The following SDR42E1 variants were observed in gnomAD, a reference collection of about 807,000 sequenced individuals.
SDR42E1 encodes the protein short-chain dehydrogenase/reductase family 42E member 1.
Under a neutral mutation model 2.6 loss-of-function variants are expected in SDR42E1, and 5 were observed. That is an observed-to-expected ratio of 1.94 (90% CI 1.01 to 4.08). The LOEUF (loss-of-function observed/expected upper bound fraction) is 4.08, where lower values mean the gene tolerates loss of function less well. Among genes scored for constraint, SDR42E1 ranks in the 30% most tolerant of loss-of-function variants. The probability of loss-of-function intolerance (pLI) is 0.00; values close to 1 mark genes in which losing one functional copy is unlikely to be tolerated. For synonymous variants in SDR42E1, 231 were observed against 188.3 expected (o/e 1.23, Z -1.86); for missense variants, 596 against 478.6 (o/e 1.25, Z -2.29).
At position 81,989,133 on chromosome 16, in the gene SDR42E1, C is replaced by G. The variant is rs1038749481; in HGVS notation, c.*9978G>C. Reference sequence around the variant, plus strand: ...ACTATTAAAAATTAAGGTGGGACTACAGGCATGAAACCAGAACTGTCTTAG... The same window carrying G: ...ACTATTAAAAATTAAGGTGGGACTAGAGGCATGAAACCAGAACTGTCTTAG... On this transcript the variant is annotated 3_prime_UTR_variant, in exon 3 of 3. Coordinates refer to ENST00000328945, the MANE Select transcript of SDR42E1 (RefSeq NM_145168.3). 1.3e-5 allele frequency: 2 copies of G among 152,158 alleles called. No homozygotes were observed. The highest frequency in any genetic ancestry group is 4.8e-5 in the African/African-American group (2 of 41,432). 9.4% of individuals were successfully genotyped at this position (152,158 alleles called of 1,614,324 possible). A position where few individuals can be genotyped will look rare whatever the true frequency, so the allele number is the denominator to read the frequency against.
chr16:82,006,495 T>C (rs938751290), intron 1 of SDR42E1, among the ~76,000 whole-genome samples: 9 of 152,244 alleles, frequency 5.9e-5, no homozygotes, highest in African/African-American at 2.2e-4. Flanking sequence ...AGATGTGACA[T>C]ATAAAATTCA....
chr16:81,999,162 C>T lies in SDR42E1; in HGVS notation c.1131G>A (p.Leu377=), dbSNP rs764912496. 3 of 1,614,196 alleles carry T rather than the reference C, an allele frequency of 1.9e-6. No individual in the cohort carries two copies. The highest frequency in any genetic ancestry group is 2.2e-5 in the South Asian group (2 of 91,078). The change falls in exon 3 of 3, where the codon CTG becomes CTA. Residue 377 remains leucine (L), a synonymous_variant. Transcript: ENST00000328945. Reference sequence around the variant, plus strand: ...GCAGCCACATGAGAACTGCTATAATCAGGAGGAAGACCAATAGCCCATCCC... The same window carrying T: ...GCAGCCACATGAGAACTGCTATAATTAGGAGGAAGACCAATAGCCCATCCC... ...FVWDGLLVFL[L]IIAVLMWLPS... is the part of the protein sequence containing the mutation.
chr16:82,001,354 C>A (rs1912752323), intron 1 of SDR42E1, among the ~76,000 whole-genome samples: 1 of 152,104 alleles, frequency 6.6e-6, no homozygotes, highest in African/African-American at 2.4e-5. Flanking sequence ...TGGTTTAATA[C>A]TGCTTTATTA....
intron 1 of SDR42E1, among the ~76,000 whole-genome samples, chr16:82,009,310 G>C (rs1913049532): frequency 6.6e-6 from 1 of 152,206 alleles, no homozygotes; most frequent in African/African-American, 2.4e-5. Context: ...CAGAATGGTA[G>C]ATCCACCAAC....
chr16:82,007,032 G>C (rs1223778631), intron 1 of SDR42E1, among the ~76,000 whole-genome samples: 1 of 152,210 alleles, frequency 6.6e-6, no homozygotes, highest in Non-Finnish European at 1.5e-5. Flanking sequence ...CAAGTGCCTT[G>C]CAATTCCTCA....
At chr16:82,008,237 C>T (rs1427838717) in intron 1 of SDR42E1, among the ~76,000 whole-genome samples, 1 of 152,208 alleles carries the variant, frequency 6.6e-6, no homozygotes, top group Admixed American at 6.5e-5. Flanking sequence ...TTATAAATTA[C>T]CCAGTCTTGG....
rs575589212 is a variant in SDR42E1 at position 81,993,711 on chromosome 16, G to A, written c.*5400C>T. On this transcript the variant is annotated 3_prime_UTR_variant, in exon 3 of 3. Coordinates refer to ENST00000328945, the MANE Select transcript of SDR42E1 (RefSeq NM_145168.3). The stretch of plus-strand genomic sequence containing the variant: ...AACAAGCATTTATTGGGCATATGAA[G>A]GGTACAGAAGTAGAAAAAACAGACA... The A allele has an allele frequency of 6.6e-6, 1 of 152,280 alleles. No homozygotes were observed. The highest frequency in any genetic ancestry group is 2.4e-5 in the African/African-American group (1 of 41,564). 9.4% of individuals were successfully genotyped at this position (152,280 alleles called of 1,614,324 possible).
rs1912565067 is a variant in SDR42E1 at position 81,997,316 on chromosome 16, C to T, written c.*1795G>A. The T allele has an allele frequency of 1.3e-5, 2 of 152,220 alleles. No individual in the cohort carries two copies. Among genetic ancestry groups the T allele is most frequent in the African/African-American group, 2.4e-5 (1 of 41,456 alleles). The allele number at this position is 152,220 out of a possible 1,614,324, so 9.4% of individuals were successfully genotyped here. ...GATGACTCACATCGGGCCAAGAGCT[C>T]AGCCTCCAAGATCGCCTTTGACCAT... On this transcript the variant is annotated 3_prime_UTR_variant, in exon 3 of 3. Coordinates refer to ENST00000328945, the MANE Select transcript of SDR42E1 (RefSeq NM_145168.3).
Position 81,998,982 on chromosome 16 carries a change from G to C in SDR42E1, c.*129C>G, listed in dbSNP as rs1212237369. 5 of 907,780 alleles carry C rather than the reference G, an allele frequency of 5.5e-6. No individual in the cohort carries two copies. In the East Asian group the frequency reaches 1.0e-4, roughly 19 times the overall value. 56.2% of individuals were successfully genotyped at this position (907,780 alleles called of 1,614,324 possible). A position where few individuals can be genotyped will look rare whatever the true frequency, so the allele number is the denominator to read the frequency against. On this transcript the variant is annotated 3_prime_UTR_variant, in exon 3 of 3. Coordinates refer to ENST00000328945, the MANE Select transcript of SDR42E1 (RefSeq NM_145168.3). Reference sequence around the variant, plus strand: ...AATAAGACATAAAGATTCAATCCAAGAACCTATTCTTAAGTAGCAATTTGA... The same window carrying C: ...AATAAGACATAAAGATTCAATCCAACAACCTATTCTTAAGTAGCAATTTGA...
rs906786862 is a variant in SDR42E1 at position 81,989,339 on chromosome 16, C to T, written c.*9772G>A. On this transcript the variant is annotated 3_prime_UTR_variant, in exon 3 of 3. Coordinates refer to ENST00000328945, the MANE Select transcript of SDR42E1 (RefSeq NM_145168.3). ...TGGGGAAAGACATGAACACCACAGC[C>T]CTGTTTTCTATACAAATATATACAT... The T allele has an allele frequency of 2.6e-5, 4 of 152,040 alleles. No homozygotes were observed. The highest frequency in any genetic ancestry group is 4.8e-5 in the African/African-American group (2 of 41,390). 9.4% of individuals were successfully genotyped at this position (152,040 alleles called of 1,614,324 possible).
chr16:81,999,948 C>T lies in SDR42E1; in HGVS notation c.345G>A (p.Val115=). Residue 115 remains valine (V), a synonymous_variant, in exon 3 of 3, where the codon GTG becomes GTA. Coordinates refer to ENST00000328945, the MANE Select transcript of SDR42E1 (RefSeq NM_145168.3). The stretch of plus-strand genomic sequence containing the variant: ...AAGTGCTGGTGTAAACTAACCTGGG[C>T]ACCCTTCTCCTTTGGCAAACCTGGA... ...NILQVCQRRR[V]PRLVYTSTFN... 6.2e-7 allele frequency: 1 copy of T among 1,614,216 alleles called. No individual in the cohort carries two copies. Among genetic ancestry groups the T allele is most frequent in the Non-Finnish European group, 8.5e-7 (1 of 1,180,040 alleles).
rs551340420 is a variant in SDR42E1 at position 81,998,906 on chromosome 16, A to T, written c.*205T>A. 1.8e-5 allele frequency: 11 copies of T among 610,130 alleles called. No individual in the cohort carries two copies. The African/African-American group carries it at 2.0e-4, about 11-fold the overall frequency. The allele number at this position is 610,130 out of a possible 1,614,324, so 37.8% of individuals were successfully genotyped here. A position where few individuals can be genotyped will look rare whatever the true frequency, so the allele number is the denominator to read the frequency against. On this transcript the variant is annotated 3_prime_UTR_variant, in exon 3 of 3. Transcript: ENST00000328945. Reference sequence around the variant, plus strand: ...AGAAGCACATAACAAATCAAATTTCAAACTAATCTCTGCTTCTGCTTTTTC... The same window carrying T: ...AGAAGCACATAACAAATCAAATTTCTAACTAATCTCTGCTTCTGCTTTTTC...
chr16:82,007,623 G>A (rs551776901), intron 1 of SDR42E1: 4 of 152,232 alleles, frequency 2.6e-5, no homozygotes, highest in African/African-American at 4.8e-5. Flanking sequence ...GCCCCTACCT[G>A]AAGTGCTTGG....
intron 1 of SDR42E1, among the ~76,000 whole-genome samples, chr16:82,005,501 A>C (rs796746730): frequency 4.6e-5 from 7 of 152,282 alleles, no homozygotes; most frequent in African/African-American, 1.7e-4. Context: ...AGCACAGAAA[A>C]ATCTCAGCAA....
rs1320107344 is a variant in SDR42E1, at chr16:81,995,799, T to C, written c.*3312A>G. 5.3e-5 allele frequency: 8 copies of C among 152,342 alleles called. No homozygotes were observed. The highest frequency in any genetic ancestry group is 1.9e-4 in the African/African-American group (8 of 41,562). The allele number at this position is 152,342 out of a possible 1,614,324, so 9.4% of individuals were successfully genotyped here. A position where few individuals can be genotyped will look rare whatever the true frequency, so the allele number is the denominator to read the frequency against. ...TGTAAGCAAGACAAAGTTCCCACCC[T>C]CATAGAGCTAACAGGCATTAAACAA... is the stretch of plus-strand genomic sequence containing the variant. On this transcript the variant is annotated 3_prime_UTR_variant, in exon 3 of 3. Coordinates refer to ENST00000328945, the MANE Select transcript of SDR42E1 (RefSeq NM_145168.3).
intron 1 of SDR42E1, among the ~76,000 whole-genome samples, chr16:82,010,023 C>T (rs1037056776): frequency 1.3e-5 from 2 of 152,218 alleles, no homozygotes; most frequent in African/African-American, 4.8e-5. Context: ...TCTTGCCTGC[C>T]ACCATATAAG....
intron 1 of SDR42E1, among the ~76,000 whole-genome samples, chr16:82,010,487 GA>G (rs1254706798): frequency 6.6e-6 from 1 of 152,106 alleles, no homozygotes; most frequent in Non-Finnish European, 1.5e-5. Flanking sequence ...AAGCTAAAGG[GA>G]AAAGTCAAGC....
chr16:81,998,976 A>T lies in SDR42E1; in HGVS notation c.*135T>A. On this transcript the variant is annotated 3_prime_UTR_variant, in exon 3 of 3. Transcript: ENST00000328945. ...CAAGGAAATAAGACATAAAGATTCAATCCAAGAACCTATTCTTAAGTAGCA... is the reference window on the plus strand; with the variant it reads ...CAAGGAAATAAGACATAAAGATTCATTCCAAGAACCTATTCTTAAGTAGCA... The T allele has an allele frequency of 1.2e-6, 1 of 864,610 alleles. No individual in the cohort carries two copies. Among genetic ancestry groups the T allele is most frequent in the Non-Finnish European group, 1.7e-6 (1 of 575,034 alleles). The allele number at this position is 864,610 out of a possible 1,614,324, so 53.6% of individuals were successfully genotyped here.
intron 1 of SDR42E1, among the ~76,000 whole-genome samples, chr16:82,010,985 A>G (rs922784583): frequency 4.6e-5 from 7 of 152,230 alleles, no homozygotes; most frequent in African/African-American, 1.7e-4. Context: ...CATGCAGTTT[A>G]AATGGGAACC....
Sources: gnomAD v4.1 joint callset for allele counts (sites outside exome capture counted in the v4.1 genomes callset) on GRCh38, gnomAD v4.1.1 for gene constraint, MANE v1.5 for transcripts, NCBI Gene and HGNC (gene_info 2026-07-23, HGNC 2026-07-21) for gene names.